Variants in DIP2C observed in about 807,000 individuals in gnomAD.
DIP2C encodes the protein DIP2 acetate--CoA ligase C (putative).
In DIP2C, 33 loss-of-function variants were observed where a neutral mutation model predicts 192.4. That is an observed-to-expected ratio of 0.17 (90% CI 0.13 to 0.23). The LOEUF (loss-of-function observed/expected upper bound fraction) is 0.23, where lower values mean the gene tolerates loss of function less well. Among genes scored for constraint, DIP2C ranks in the 10% least tolerant of loss-of-function variants. DIP2C has a pLI of 1.00. For synonymous variants in DIP2C, 979 were observed against 864.1 expected (o/e 1.13, Z -2.33); for missense variants, 1,537 against 2,110.1 (o/e 0.73, Z 5.32).
chr10:490,337 G>A (rs1027795957), intron 1 of DIP2C, among the ~76,000 whole-genome samples: 2 of 152,212 alleles, frequency 1.3e-5, no homozygotes, highest in East Asian at 3.8e-4. Flanking sequence ...AACTAAAGGC[G>A]CAAATGCTCC....
chr10:588,969 T>TC (rs1442871785), intron 1 of DIP2C, among the ~76,000 whole-genome samples: 1 of 152,002 alleles, frequency 6.6e-6, no homozygotes, highest in East Asian at 1.9e-4. Context: ...CACACAGGAG[T>TC]CCCGGCTGCC....
At chr10:513,077 C>T (rs370057220) in intron 1 of DIP2C, among the ~76,000 whole-genome samples, 1 of 152,160 alleles carries the variant, frequency 6.6e-6, no homozygotes, top group Non-Finnish European at 1.5e-5. Context: ...AAACTACTCA[C>T]CAAGTTTCAT....
At chr10:660,863 C>T (rs962261971) in intron 1 of DIP2C, among the ~76,000 whole-genome samples, 4 of 152,184 alleles carry the variant, frequency 2.6e-5, no homozygotes, top group Non-Finnish European at 5.9e-5. Context: ...CTCCTATAAC[C>T]TGATTTCTAG....
intron 2 of DIP2C, among the ~76,000 whole-genome samples, chr10:479,303 C>CCTA (rs1380535996): frequency 6.6e-6 from 1 of 150,626 alleles, no homozygotes; most frequent in Non-Finnish European, 1.5e-5. Flanking sequence ...AAGCACCTGC[C>CCTA]CTAACCCCAT....
chr10:453,514 G>C (rs777062639), intron 3 of DIP2C, among the ~76,000 whole-genome samples: 1 of 152,232 alleles, frequency 6.6e-6, no homozygotes, highest in Non-Finnish European at 1.5e-5. Context: ...AGAGGGCAGT[G>C]ATTGTCTAGT....
chr10:289,007 C>T lies in DIP2C; in HGVS notation c.3987-586G>A, dbSNP rs543634210. Reference sequence around the variant, plus strand: ...TCGCAGCAGGCCACAACCAGAGCTTCGCTAACAGTCCTCCCAGGTGCATTA... The same window carrying T: ...TCGCAGCAGGCCACAACCAGAGCTTTGCTAACAGTCCTCCCAGGTGCATTA... On this transcript the variant is annotated intron_variant, in intron 32 of 36. Transcript: ENST00000280886. Among the ~76,000 whole-genome samples, 5 of 152,380 alleles carry T rather than the reference C, an allele frequency of 3.3e-5. No individual in the cohort carries two copies. The East Asian group carries it at 7.7e-4, about 23-fold the overall frequency.
intron 1 of DIP2C, among the ~76,000 whole-genome samples, chr10:599,875 C>T (rs1390461289): frequency 6.6e-6 from 1 of 152,162 alleles, no homozygotes; most frequent in East Asian, 1.9e-4. Flanking sequence ...GTGCTGCCGC[C>T]GCCTCCCCAG....
At chr10:415,978 G>T (rs1965606798) in intron 6 of DIP2C, 90 bp from the exon 7 acceptor site, 2 of 1,578,698 alleles carry the variant, frequency 1.3e-6, no homozygotes, top group East Asian at 2.3e-5. Flanking sequence ...CCCCTCCCCA[G>T]CGCGGCTACA....
At position 651,607 on chromosome 10, in the gene DIP2C, A is replaced by C; in HGVS notation, c.85+37887T>G. Reference sequence around the variant, plus strand: ...TCCCCCAAAAGGTGCATCTTTTATAAAACAAGAACGCAAGGCTCTGAGGCC... The same window carrying C: ...TCCCCCAAAAGGTGCATCTTTTATACAACAAGAACGCAAGGCTCTGAGGCC... On this transcript the variant is annotated intron_variant, in intron 1 of 36. Transcript: ENST00000280886. This position sits in a 1 kb window ranked among gnomAD's most constrained non-coding sequence, Gnocchi z 4.1. 2 of 364,886 alleles carry C rather than the reference A, an allele frequency of 5.5e-6. No individual in the cohort carries two copies. The highest frequency in any genetic ancestry group is 4.3e-5 in the South Asian group (2 of 46,382). 22.6% of individuals were successfully genotyped at this position (364,886 alleles called of 1,614,324 possible).
At chr10:627,632 C>A (rs1854278267) in intron 1 of DIP2C, among the ~76,000 whole-genome samples, 1 of 152,208 alleles carries the variant, frequency 6.6e-6, no homozygotes, top group Non-Finnish European at 1.5e-5. Flanking sequence ...AACATGTTTG[C>A]CAGGCAAATT....
chr10:609,915 TGGAAGCGAG>T (rs1237834762), intron 1 of DIP2C, among the ~76,000 whole-genome samples: 2 of 152,018 alleles, frequency 1.3e-5, no homozygotes, highest in Admixed American at 1.3e-4. Context: ...TTCTTCCTAG[TGGAAGCGAG>T]GGGCACAAAG....
intron 1 of DIP2C, among the ~76,000 whole-genome samples, chr10:670,851 G>A (rs986357949): frequency 1.3e-5 from 2 of 152,198 alleles, no homozygotes; most frequent in East Asian, 1.9e-4. Context: ...ACCAGTAATG[G>A]CTGGTAATTA....
In DIP2C at chr10:642,669, G is replaced by A. The variant is rs144002044; in HGVS notation, c.85+46825C>T. On this transcript the variant is annotated intron_variant, in intron 1 of 36. Transcript: ENST00000280886. Reference sequence around the variant, plus strand: ...CACGGTCAGGGCTCCGCACACCCCCGTCCCAGGCCATCGCACACGGGTGCC... The same window carrying A: ...CACGGTCAGGGCTCCGCACACCCCCATCCCAGGCCATCGCACACGGGTGCC... 3.7e-4 allele frequency among the ~76,000 whole-genome samples: 57 copies of A among 152,352 alleles called. 1 individual carries two copies. In the East Asian group the frequency reaches 7.5e-3, roughly 20 times the overall value.
intron 1 of DIP2C, among the ~76,000 whole-genome samples, chr10:593,584 C>T (rs1851531096): frequency 6.6e-6 from 1 of 150,996 alleles, no homozygotes; most frequent in Admixed American, 6.6e-5. Flanking sequence ...GGCAGGGGCC[C>T]TCCTCGGTAC....
intron 1 of DIP2C, among the ~76,000 whole-genome samples, chr10:616,641 G>A (rs967383324): frequency 2.0e-5 from 3 of 152,206 alleles, no homozygotes; most frequent in African/African-American, 7.2e-5. Flanking sequence ...AATGCCACGT[G>A]TGCGTGGAGA....
chr10:469,835 TCCTA>T (rs1462636972), intron 3 of DIP2C, among the ~76,000 whole-genome samples: 1 of 152,168 alleles, frequency 6.6e-6, no homozygotes, highest in Non-Finnish European at 1.5e-5. Context: ...ACCCAGCCGC[TCCTA>T]CCTAACTTCT....
intron 1 of DIP2C, among the ~76,000 whole-genome samples, chr10:548,847 G>C (rs986814838): frequency 7.7e-6 from 1 of 130,150 alleles, no homozygotes; most frequent in African/African-American, 2.9e-5. Flanking sequence ...TTTAAAGCAC[G>C]GTACAAATAT....
Position 369,585 on chromosome 10 carries a change from C to T in DIP2C, c.2040G>A (p.Met680Ile). The T allele has an allele frequency of 1.2e-6, 2 of 1,612,950 alleles. No homozygotes were observed. The highest frequency in any genetic ancestry group is 1.7e-6 in the Non-Finnish European group (2 of 1,179,422). ...GAATGACCCCATAGGTCAGTCCATG[C>T]ATGGAGAGGACACCCCGGCCCGGGG... ...NQPPGRGVLS[M>I]HGLTYGVIRV... Residue 680 changes from methionine to isoleucine, a missense_variant, in exon 18 of 37, where the codon ATG becomes ATA. By Grantham distance (10) the Met-to-Ile change is conservative. This residue lies in a region of DIP2C where 677 missense variants were observed against 989.9 expected (regional missense o/e 0.68). Coordinates refer to ENST00000280886, the MANE Select transcript of DIP2C (RefSeq NM_014974.3).
chr10:486,982 T>G (rs1052272169), intron 1 of DIP2C, among the ~76,000 whole-genome samples: 2 of 152,236 alleles, frequency 1.3e-5, no homozygotes, highest in African/African-American at 4.8e-5. Flanking sequence ...CACAAGGACT[T>G]GAAGCCGCCA....
Sources: gnomAD v4.1 joint callset for allele counts (sites outside exome capture counted in the v4.1 genomes callset) on GRCh38, gnomAD v4.1.1 for gene constraint, gnomAD v4.1.1 regional missense constraint, Gnocchi (gnomAD v3.1) non-coding constraint, MANE v1.5 for transcripts, NCBI Gene and HGNC (gene_info 2026-07-23, HGNC 2026-07-21) for gene names.